The following CHSY3 variants were observed in gnomAD, a reference collection of about 807,000 sequenced individuals.
CHSY3 encodes N-acetylgalactosaminyl-proteoglycan 3-beta-glucuronosyltransferase 3.
Under a neutral mutation model 67.2 loss-of-function variants are expected in CHSY3, and 35 were observed. The ratio of observed to expected loss-of-function variants is 0.52; its 90% CI spans 0.40 to 0.69. The LOEUF is 0.69. CHSY3 is among the 30% of genes least tolerant of loss of function. The probability of loss-of-function intolerance (pLI) is 0.00; values close to 1 mark genes in which losing one functional copy is unlikely to be tolerated. For synonymous variants in CHSY3, 474 were observed against 434.7 expected, an observed-to-expected ratio of 1.09 and a Z score of -1.12; for missense variants, 1,069 against 1,138.5, an observed-to-expected ratio of 0.94 and a Z score of 0.88.
chr5:130,007,328 A>T (rs1014834935), intron 2 of CHSY3, among the ~76,000 whole-genome samples: 3 of 152,148 alleles, frequency 2.0e-5, no homozygotes, highest in Non-Finnish European at 4.4e-5. Context: ...AACTAGACAC[A>T]GACAGGAAGA....
intron 2 of CHSY3, among the ~76,000 whole-genome samples, chr5:130,023,877 A>G (rs1764462071): frequency 1.3e-5 from 2 of 151,964 alleles, no homozygotes; most frequent in South Asian, 4.1e-4. Flanking sequence ...ACACAGCATT[A>G]TAGCACATAT....
At chr5:130,098,861 G>T (rs1175387626) in intron 2 of CHSY3, among the ~76,000 whole-genome samples, 2 of 152,172 alleles carry the variant, frequency 1.3e-5, no homozygotes, top group African/African-American at 4.8e-5. Flanking sequence ...TTTCAACTTT[G>T]AATAATAGTT....
chr5:130,074,280 A>C (rs1418682556), intron 2 of CHSY3, among the ~76,000 whole-genome samples: 1 of 152,010 alleles, frequency 6.6e-6, no homozygotes, highest in Admixed American at 6.6e-5. Flanking sequence ...CACGTTGGCC[A>C]GGCTGGTCTC....
At chr5:130,002,212 A>C (rs1387418653) in intron 2 of CHSY3, 2 of 219,672 alleles carry the variant, frequency 9.1e-6, no homozygotes, top group Non-Finnish European at 1.5e-5. Flanking sequence ...TAGTTAAGGA[A>C]TAGGTTTTAT....
At chr5:130,081,016 G>A (rs1766428271) in intron 2 of CHSY3, among the ~76,000 whole-genome samples, 1 of 152,070 alleles carries the variant, frequency 6.6e-6, no homozygotes, top group African/African-American at 2.4e-5. Context: ...TTTTAGGGAG[G>A]TCGTAATTTT....
At chr5:129,930,073 G>T (rs897242503) in intron 2 of CHSY3, among the ~76,000 whole-genome samples, 1 of 152,048 alleles carries the variant, frequency 6.6e-6, no homozygotes, top group African/African-American at 2.4e-5. Context: ...AGCAAGCATG[G>T]ATGGAATCTT....
intron 2 of CHSY3, among the ~76,000 whole-genome samples, chr5:129,942,005 A>G (rs902219938): frequency 2.6e-5 from 4 of 152,214 alleles, no homozygotes; most frequent in Non-Finnish European, 5.9e-5. Flanking sequence ...AGGACAAGGC[A>G]TAAGAAACTT....
chr5:130,071,171 T>C (rs988216176), intron 2 of CHSY3, among the ~76,000 whole-genome samples: 11 of 152,048 alleles, frequency 7.2e-5, no homozygotes, highest in Non-Finnish European at 1.5e-4. Context: ...GCTGCTGAGC[T>C]ACAGAGAGCT....
rs567432963 is a variant in CHSY3, at chr5:130,058,354, G to A, written c.1087-125875G>A. 4.0e-4 allele frequency among the ~76,000 whole-genome samples: 61 copies of A among 152,280 alleles called. 1 individual carries two copies. In the South Asian group the frequency reaches 7.9e-3, roughly 20 times the overall value. On this transcript the variant is annotated intron_variant, in intron 2 of 2. Coordinates refer to ENST00000305031, the MANE Select transcript of CHSY3 (RefSeq NM_175856.5). Reference sequence around the variant, plus strand: ...TATAATAGAGAATAAATGGCCAGGCGTGGTGGCTCACACCTGTAATCCCAG... The same window carrying A: ...TATAATAGAGAATAAATGGCCAGGCATGGTGGCTCACACCTGTAATCCCAG...
At chr5:130,138,631 T>C (rs1261030727) in intron 2 of CHSY3, among the ~76,000 whole-genome samples, 3 of 152,182 alleles carry the variant, frequency 2.0e-5, no homozygotes, top group African/African-American at 7.2e-5. Flanking sequence ...AGAAGCAGTA[T>C]TGGCTCAAGA....
chr5:130,095,234 A>G (rs1260677913), intron 2 of CHSY3, among the ~76,000 whole-genome samples: 1 of 152,194 alleles, frequency 6.6e-6, no homozygotes, highest in Non-Finnish European at 1.5e-5. Flanking sequence ...TTTCCCCAAT[A>G]GCAATGAGCA....
At chr5:130,084,513 G>A (rs146900026) in intron 2 of CHSY3, among the ~76,000 whole-genome samples, 5 of 151,850 alleles carry the variant, frequency 3.3e-5, no homozygotes, top group African/African-American at 4.8e-5. Flanking sequence ...GAGAACATGC[G>A]CCCAAGATGT....
rs1185702144 is a variant in CHSY3 at position 129,995,791 on chromosome 5, A to G, written c.1086+87431A>G. ...TACCTTAAACAAAAAAGTAATACAC[A>G]GGCTTTAAGATTATTCTTTCCTTAC... On this transcript the variant is annotated intron_variant, in intron 2 of 2. Coordinates refer to ENST00000305031, the MANE Select transcript of CHSY3 (RefSeq NM_175856.5). Among the ~76,000 whole-genome samples, 6 of 152,018 alleles carry G rather than the reference A, an allele frequency of 3.9e-5. No homozygotes were observed. In the East Asian group the frequency reaches 1.2e-3, roughly 29 times the overall value.
intron 2 of CHSY3, among the ~76,000 whole-genome samples, chr5:130,038,840 C>T (rs1764930426): frequency 6.6e-6 from 1 of 151,768 alleles, no homozygotes; most frequent in South Asian, 2.1e-4. Context: ...ATAAATAAAG[C>T]CATCAGGAAG....
intron 2 of CHSY3, among the ~76,000 whole-genome samples, chr5:130,130,585 T>C (rs899306218): frequency 1.3e-5 from 2 of 152,184 alleles, no homozygotes; most frequent in East Asian, 3.9e-4. Context: ...TTACAGAAGA[T>C]GCCCCAACTG....
chr5:130,094,179 A>C (rs1766971874), intron 2 of CHSY3, among the ~76,000 whole-genome samples: 1 of 152,122 alleles, frequency 6.6e-6, no homozygotes, highest in African/African-American at 2.4e-5. Flanking sequence ...GGAGGGAGAG[A>C]GAAGGCTGGT....
At chr5:130,104,048 T>C (rs192852430) in intron 2 of CHSY3, among the ~76,000 whole-genome samples, 5 of 152,080 alleles carry the variant, frequency 3.3e-5, no homozygotes, top group African/African-American at 7.2e-5. Flanking sequence ...CTAGTTTGGT[T>C]GTTAGCCCAA....
chr5:130,106,065 C>T (rs1464507586), intron 2 of CHSY3, among the ~76,000 whole-genome samples: 2 of 151,760 alleles, frequency 1.3e-5, no homozygotes, highest in Non-Finnish European at 3.0e-5. Flanking sequence ...TACTTAACCT[C>T]CCCAAGCACA....
At chr5:129,922,336 C>T (rs1334705866) in intron 2 of CHSY3, among the ~76,000 whole-genome samples, 2 of 152,222 alleles carry the variant, frequency 1.3e-5, no homozygotes, top group African/African-American at 2.4e-5. Context: ...TAACATTCTC[C>T]TTTGGATATA....
Sources: gnomAD v4.1 joint callset for allele counts (sites outside exome capture counted in the v4.1 genomes callset) on GRCh38, gnomAD v4.1.1 for gene constraint, MANE v1.5 for transcripts, NCBI Gene and HGNC (gene_info 2026-07-23, HGNC 2026-07-21) for gene names.